GREB1L: variants seen among roughly 807,000 people sequenced by gnomAD.
GREB1L encodes GREB1-like protein.
In GREB1L, 17 loss-of-function variants were observed where a neutral mutation model predicts 200.8. The observed-to-expected ratio is 0.08, with a 90% CI of 0.06 to 0.13. The LOEUF (loss-of-function observed/expected upper bound fraction) is 0.13. Ranked by LOEUF, GREB1L falls within the 10% of genes least tolerant of loss-of-function variation. The pLI is 1.00. For missense variants in GREB1L, 1,657 were observed against 2,367.7 expected, an observed-to-expected ratio of 0.70 and a Z score of 6.23; for synonymous variants, 789 against 893.0, an observed-to-expected ratio of 0.88 and a Z score of 2.08.
intron 8 of GREB1L, 83 bp from the exon 9 acceptor site, chr18:21,440,186 A>G (rs2145242885): frequency 7.3e-7 from 1 of 1,374,022 alleles, no homozygotes. Context: ...TGTATTACTT[A>G]TATTACTCTG....
At chr18:21,492,339 C>CT (rs1264487963) in intron 19 of GREB1L, among the ~76,000 whole-genome samples, 14 of 151,672 alleles carry the variant, frequency 9.2e-5, no homozygotes, top group South Asian at 2.1e-4. Flanking sequence ...GAGCAAGACT[C>CT]TGTCTCAAAA....
intron 1 of GREB1L, among the ~76,000 whole-genome samples, chr18:21,261,878 T>C (rs2037895676): frequency 6.6e-6 from 1 of 152,128 alleles, no homozygotes; most frequent in Non-Finnish European, 1.5e-5. Flanking sequence ...TTTTTTATTT[T>C]CTAAATACCT....
At chr18:21,395,131 A>G (rs1369979103) in intron 4 of GREB1L, among the ~76,000 whole-genome samples, 1 of 151,340 alleles carries the variant, frequency 6.6e-6, no homozygotes, top group African/African-American at 2.4e-5. Flanking sequence ...AAGAAAAAAA[A>G]AAGAAAAAAT....
intron 1 of GREB1L, among the ~76,000 whole-genome samples, chr18:21,328,465 G>A (rs1248838476): frequency 6.6e-6 from 1 of 152,222 alleles, no homozygotes; most frequent in African/African-American, 2.4e-5. Flanking sequence ...GGCACAGAAA[G>A]TCTGCAGTAG....
chr18:21,334,522 A>T lies in GREB1L; in HGVS notation c.-119-31505A>T, dbSNP rs549684570. Among the ~76,000 whole-genome samples the T allele has an allele frequency of 2.5e-4, 38 of 152,254 alleles. 1 individual carries two copies. Among genetic ancestry groups the T allele is most frequent in the Middle Eastern group, 6.8e-3 (2 of 294 alleles). On this transcript the variant is annotated intron_variant, in intron 1 of 32. Coordinates refer to ENST00000424526, the MANE Select transcript of GREB1L (RefSeq NM_001142966.3). ...TCTGTTACATTTTGTCTTGCTGGAT[A>T]AAAAAATCACCCCATTATTGATCAC... is the stretch of plus-strand genomic sequence containing the variant.
chr18:21,494,984 G>T (rs895292348), intron 19 of GREB1L, among the ~76,000 whole-genome samples: 1 of 152,190 alleles, frequency 6.6e-6, no homozygotes, highest in South Asian at 2.1e-4. Flanking sequence ...ATACTTAATA[G>T]GTTCTTTGAG....
intron 7 of GREB1L, among the ~76,000 whole-genome samples, chr18:21,416,881 G>A (rs1282163906): frequency 6.6e-6 from 1 of 151,560 alleles, no homozygotes; most frequent in Non-Finnish European, 1.5e-5. Context: ...ACAAGAATTA[G>A]CCAGGTGTGT....
At chr18:21,267,167 C>CGTG (rs1462387885) in intron 1 of GREB1L, among the ~76,000 whole-genome samples, 5 of 146,292 alleles carry the variant, frequency 3.4e-5, no homozygotes, top group African/African-American at 1.3e-4. Flanking sequence ...CTCCTGGCCT[C>CGTG]GTGATCTGCC....
At chr18:21,411,483 G>A (rs1390973996) in intron 7 of GREB1L, among the ~76,000 whole-genome samples, 2 of 151,846 alleles carry the variant, frequency 1.3e-5, no homozygotes, top group Non-Finnish European at 2.9e-5. Context: ...TGGGATTACA[G>A]GCGTGAGCCA....
chr18:21,474,852 A>T (rs2035623025), intron 16 of GREB1L, among the ~76,000 whole-genome samples: 1 of 152,168 alleles, frequency 6.6e-6, no homozygotes, highest in Non-Finnish European at 1.5e-5. Context: ...TTACTTATGC[A>T]AATTTCTCCA....
chr18:21,245,009 T>C (rs1390058659), intron 1 of GREB1L, among the ~76,000 whole-genome samples: 2 of 152,230 alleles, frequency 1.3e-5, no homozygotes, highest in Admixed American at 6.5e-5. Flanking sequence ...TTTTAGTTAC[T>C]TGATAAATAT....
chr18:21,516,913 A>T (rs1332753188), intron 30 of GREB1L, among the ~76,000 whole-genome samples, 159 bp downstream of exon 30: 2 of 138,316 alleles, frequency 1.4e-5, no homozygotes, highest in African/African-American at 2.7e-5. Flanking sequence ...TCTGTCCCCT[A>T]GGCTGGATGG....
intron 4 of GREB1L, among the ~76,000 whole-genome samples, chr18:21,393,446 G>C (rs1046111579): frequency 6.6e-6 from 1 of 151,628 alleles, no homozygotes; most frequent in Non-Finnish European, 1.5e-5. Flanking sequence ...ACATGCATGT[G>C]CCACCATGCC....
chr18:21,395,685 T>C, intron 5 of GREB1L, 124 bp downstream of exon 5: 2 of 662,340 alleles, frequency 3.0e-6, no homozygotes, highest in Non-Finnish European at 4.8e-6. Context: ...TATAGTTTAG[T>C]TCAATTATGA....
chr18:21,429,276 T>C (rs1408836796), intron 7 of GREB1L, among the ~76,000 whole-genome samples: 1 of 106,524 alleles, frequency 9.4e-6, no homozygotes, highest in Non-Finnish European at 1.9e-5. Flanking sequence ...TCCTCTCCTC[T>C]CCTCTCCTCC....
chr18:21,408,239 C>T (rs1360689614), intron 7 of GREB1L, among the ~76,000 whole-genome samples: 3 of 151,950 alleles, frequency 2.0e-5, no homozygotes, highest in African/African-American at 7.3e-5. Flanking sequence ...TAAATATGTA[C>T]AGTTATTATC....
rs1239758481 is a variant in GREB1L, at chr18:21,378,865, T to C, written c.-9-4645T>C. Among the ~76,000 whole-genome samples, 5 of 152,040 alleles carry C rather than the reference T, an allele frequency of 3.3e-5. 1 individual carries two copies. Among genetic ancestry groups the C allele is most frequent in the Non-Finnish European group, 5.9e-5 (4 of 68,012 alleles). The stretch of plus-strand genomic sequence containing the variant: ...ACTCCATTGCCCATTTTTAAATTAA[T>C]TTAGTGTTTTTTTTTTCGGGGGGGG... On this transcript the variant is annotated intron_variant, in intron 2 of 32. Transcript: ENST00000424526.
intron 1 of GREB1L, among the ~76,000 whole-genome samples, chr18:21,310,779 C>G (rs1358924238): frequency 1.3e-5 from 2 of 152,116 alleles, no homozygotes; most frequent in Non-Finnish European, 2.9e-5. Flanking sequence ...TAATCATTCT[C>G]TCTGCTATAC....
chr18:21,453,757 G>T (rs1483149853), intron 14 of GREB1L, among the ~76,000 whole-genome samples: 1 of 152,182 alleles, frequency 6.6e-6, no homozygotes, highest in Non-Finnish European at 1.5e-5. Context: ...CTAGGTCACA[G>T]CACTGGCAAA....
Sources: gnomAD v4.1 joint callset for allele counts (sites outside exome capture counted in the v4.1 genomes callset) on GRCh38, gnomAD v4.1.1 for gene constraint, MANE v1.5 for transcripts, NCBI Gene and HGNC (gene_info 2026-07-23, HGNC 2026-07-21) for gene names.